The following CADM2 variants were observed in gnomAD, a reference collection of about 807,000 sequenced individuals.
CADM2 encodes immunoglobulin superfamily member 4D.
CADM2 carries 12 observed loss-of-function variants against 49.8 expected under a neutral mutation model. That is an observed-to-expected ratio of 0.24 (90% confidence interval 0.15 to 0.39). The LOEUF is 0.39. Among genes scored for constraint, CADM2 ranks in the 10% least tolerant of loss-of-function variants. CADM2 has a pLI of 1.00. For missense variants in CADM2, 378 were observed against 492.3 expected (o/e 0.77, Z 2.20); for synonymous variants, 214 against 175.4 (o/e 1.22, Z -1.74).
At chr3:85,130,086 C>T (rs1452080852) in intron 1 of CADM2, among the ~76,000 whole-genome samples, 1 of 152,004 alleles carries the variant, frequency 6.6e-6, no homozygotes, top group Non-Finnish European at 1.5e-5. Context: ...TTAATTCACC[C>T]GTTTTCATCT....
chr3:85,985,852 G>A (rs1728041266), intron 8 of CADM2, among the ~76,000 whole-genome samples: 1 of 151,792 alleles, frequency 6.6e-6, no homozygotes, highest in Admixed American at 6.6e-5. Context: ...ACACACTTTG[G>A]GCCATTGTTG....
intron 8 of CADM2, among the ~76,000 whole-genome samples, chr3:85,973,080 A>T (rs1726341374): frequency 6.6e-6 from 1 of 151,742 alleles, no homozygotes; most frequent in Non-Finnish European, 1.5e-5. Flanking sequence ...CTCACACATG[A>T]TAAAAGGGAG....
intron 8 of CADM2, among the ~76,000 whole-genome samples, chr3:85,974,127 A>G (rs1161547648): frequency 7.9e-5 from 12 of 151,738 alleles, no homozygotes; most frequent in Admixed American, 7.9e-4. Flanking sequence ...AAATATAAAC[A>G]TGTACACGGG....
chr3:85,349,941 G>A (rs112883729), intron 1 of CADM2, among the ~76,000 whole-genome samples: 14 of 152,200 alleles, frequency 9.2e-5, no homozygotes, highest in African/African-American at 2.9e-4. Context: ...GCAAAGAATC[G>A]TAAGGAAAAA....
chr3:85,198,460 A>T (rs2041402476), intron 1 of CADM2, among the ~76,000 whole-genome samples: 2 of 150,596 alleles, frequency 1.3e-5, no homozygotes, highest in East Asian at 4.0e-4. Flanking sequence ...CACGATGTTA[A>T]TAGCATGTTT....
chr3:84,989,545 T>C (rs778324963), intron 1 of CADM2, among the ~76,000 whole-genome samples: 2 of 152,118 alleles, frequency 1.3e-5, no homozygotes, highest in Non-Finnish European at 2.9e-5. Flanking sequence ...CTGTAGTATT[T>C]ATGTTCATGT....
chr3:85,238,092 A>T (rs1223939842), intron 1 of CADM2, among the ~76,000 whole-genome samples: 4 of 151,908 alleles, frequency 2.6e-5, no homozygotes, highest in Non-Finnish European at 5.9e-5. Context: ...AAATCTTTTC[A>T]TCTGGCTTGG....
chr3:85,562,962 T>G (rs2062142475), intron 1 of CADM2, among the ~76,000 whole-genome samples: 1 of 152,206 alleles, frequency 6.6e-6, no homozygotes, highest in Admixed American at 6.5e-5. Flanking sequence ...CATTTTTAAA[T>G]AAGTTTTCTT....
chr3:85,015,831 A>T (rs2034227551), intron 1 of CADM2, among the ~76,000 whole-genome samples: 1 of 152,144 alleles, frequency 6.6e-6, no homozygotes, highest in African/African-American at 2.4e-5. Flanking sequence ...ACTAGAATGG[A>T]GTGTTTCAGG....
At chr3:85,239,677 A>G (rs2042485960) in intron 1 of CADM2, among the ~76,000 whole-genome samples, 1 of 151,494 alleles carries the variant, frequency 6.6e-6, no homozygotes, top group East Asian at 1.9e-4. Flanking sequence ...GTTTTTTATA[A>G]TTACAAGAAA....
At chr3:85,090,287 TA>T (rs1363820291) in intron 1 of CADM2, among the ~76,000 whole-genome samples, 1 of 152,172 alleles carries the variant, frequency 6.6e-6, no homozygotes, top group Non-Finnish European at 1.5e-5. Context: ...TATGTTAGTA[TA>T]TTTTTCATAC....
chr3:85,177,032 C>T (rs1233794608), intron 1 of CADM2, among the ~76,000 whole-genome samples: 4 of 152,116 alleles, frequency 2.6e-5, no homozygotes, highest in Non-Finnish European at 5.9e-5. Flanking sequence ...GTTATGAGCT[C>T]ACTCCCTATC....
At position 85,657,504 on chromosome 3, in the gene CADM2, C is replaced by T. The variant is rs999930197; in HGVS notation, c.62-69018C>T. Reference sequence around the variant, plus strand: ...AATGTAATGTTTCTGTCTCAAATGACATCATTAGAATTTTTTCTATACGTA... The same window carrying T: ...AATGTAATGTTTCTGTCTCAAATGATATCATTAGAATTTTTTCTATACGTA... On this transcript the variant is annotated intron_variant, in intron 1 of 9. Transcript: ENST00000383699. Among the ~76,000 whole-genome samples the T allele has an allele frequency of 2.0e-4, 31 of 151,870 alleles. No homozygotes were observed. The Middle Eastern group carries it at 0.01, about 51-fold the overall frequency.
At chr3:86,061,421 T>G (rs1440571235) in intron 8 of CADM2, among the ~76,000 whole-genome samples, 1 of 152,046 alleles carries the variant, frequency 6.6e-6, no homozygotes, top group African/African-American at 2.4e-5. Context: ...GTAAGTTACA[T>G]AAAATTATTG....
chr3:85,877,684 G>GTTT (rs368101272), intron 3 of CADM2, among the ~76,000 whole-genome samples: 4,361 of 111,836 alleles, frequency 0.039, 170 homozygotes, highest in East Asian at 0.09. Flanking sequence ...TTTTTCTTCT[G>GTTT]TTTTTTTTTT....
intron 1 of CADM2, among the ~76,000 whole-genome samples, chr3:85,175,992 G>C (rs1170868190): frequency 7.0e-6 from 1 of 142,482 alleles, no homozygotes; most frequent in African/African-American, 2.8e-5. Context: ...GCAGTGGCGG[G>C]ATCTCGGCTC....
chr3:85,966,604 A>T (rs2108629504), intron 8 of CADM2, among the ~76,000 whole-genome samples: 1 of 151,692 alleles, frequency 6.6e-6, no homozygotes, highest in South Asian at 2.1e-4. Flanking sequence ...CTTTTCTAGC[A>T]AATTTGACCT....
At chr3:85,223,731 C>T (rs1310782545) in intron 1 of CADM2, among the ~76,000 whole-genome samples, 6 of 152,130 alleles carry the variant, frequency 3.9e-5, no homozygotes, top group East Asian at 1.9e-4. Flanking sequence ...TTAGATATTT[C>T]GCCTAATGCT....
chr3:85,137,038 G>A (rs1320735281), intron 1 of CADM2, among the ~76,000 whole-genome samples: 1 of 151,744 alleles, frequency 6.6e-6, no homozygotes, highest in Non-Finnish European at 1.5e-5. Context: ...TCCAACTGTG[G>A]ATTATATTGG....
Sources: allele counts gnomAD v4.1 joint callset (sites outside exome capture counted in the v4.1 genomes callset), GRCh38; gene constraint gnomAD v4.1.1; transcripts MANE v1.5; gene names NCBI Gene and HGNC (gene_info 2026-07-23, HGNC 2026-07-21).